APBB1IP: variants seen among roughly 807,000 people sequenced by gnomAD.
The protein encoded by APBB1IP is amyloid beta A4 precursor protein-binding family B member 1-interacting protein.
In APBB1IP, 27 loss-of-function variants were observed where a neutral mutation model predicts 64.9. The ratio of observed to expected loss-of-function variants is 0.42; its 90% CI spans 0.31 to 0.57. APBB1IP has a LOEUF of 0.57. APBB1IP is among the 20% of genes least tolerant of loss of function. APBB1IP has a pLI of 0.20. For synonymous variants in APBB1IP, 392 were observed against 331.0 expected (o/e 1.18, Z -2.00); for missense variants, 812 against 845.5 (o/e 0.96, Z 0.49).
At chr10:26,562,173 G>C (rs952613312) in intron 13 of APBB1IP, 153 bp from the exon 14 acceptor site, 1 of 612,088 alleles carries the variant, frequency 1.6e-6, no homozygotes, top group Non-Finnish European at 2.9e-6. Context: ...TGCTCTCTTT[G>C]CTTTGTTTTT....
At chr10:26,560,880 A>T in intron 13 of APBB1IP, 36 bp downstream of exon 13, 2 of 1,505,438 alleles carry the variant, frequency 1.3e-6, no homozygotes, top group Non-Finnish European at 1.8e-6. Flanking sequence ...CACATATTCA[A>T]AGCTTGGTGC....
intron 2 of APBB1IP, among the ~76,000 whole-genome samples, chr10:26,455,692 T>C (rs1239188989): frequency 1.2e-5 from 1 of 86,666 alleles, no homozygotes; most frequent in Non-Finnish European, 2.8e-5. Flanking sequence ...GGGGGATTTC[T>C]TTTTTTTTGG....
chr10:26,560,095 T>C lies in APBB1IP; in HGVS notation c.1156-10T>C. On this transcript the variant is annotated splice_polypyrimidine_tract_variant and intron_variant, in intron 11 of 14. Coordinates refer to ENST00000376236, the MANE Select transcript of APBB1IP (RefSeq NM_019043.4). ...AGTGAATACATTGTCTCGAAACTGC[T>C]TCTTTCTAGCACCCCCAAATTCAGA... 6.2e-7 allele frequency: 1 copy of C among 1,612,652 alleles called. No individual in the cohort carries two copies. Among genetic ancestry groups the C allele is most frequent in the South Asian group, 1.1e-5 (1 of 91,062 alleles).
intron 7 of APBB1IP, among the ~76,000 whole-genome samples, chr10:26,512,817 G>A (rs78821671): frequency 0.028 from 4,262 of 152,164 alleles, 219 homozygotes; most frequent in African/African-American, 0.098. Flanking sequence ...TGGGTGGGAC[G>A]GAGAATTGCC....
In APBB1IP at chr10:26,456,025, G is replaced by T. The variant is rs568303290; in HGVS notation, c.-1+17172G>T. Among the ~76,000 whole-genome samples the T allele has an allele frequency of 5.3e-5, 8 of 152,316 alleles. No homozygotes were observed. In the South Asian group the frequency reaches 1.7e-3, roughly 32 times the overall value. On this transcript the variant is annotated intron_variant, in intron 2 of 14. Transcript: ENST00000376236. Reference sequence around the variant, plus strand: ...GACCACATTAATGTATCATCCCATTGATAGGAAATGTCCAGAATAGGCAGC... The same window carrying T: ...GACCACATTAATGTATCATCCCATTTATAGGAAATGTCCAGAATAGGCAGC...
chr10:26,465,500 A>G (rs1056612561), intron 2 of APBB1IP, among the ~76,000 whole-genome samples: 5 of 152,218 alleles, frequency 3.3e-5, no homozygotes, highest in Admixed American at 6.5e-5. Context: ...ATAATTACTC[A>G]TTGTAATTAA....
intron 8 of APBB1IP, among the ~76,000 whole-genome samples, chr10:26,513,916 A>G (rs1836293047): frequency 6.6e-6 from 1 of 152,162 alleles, no homozygotes; most frequent in African/African-American, 2.4e-5. Context: ...TGTATTTTTT[A>G]GTAGAGACAG....
chr10:26,562,248 C>T, intron 13 of APBB1IP, 78 bp from the exon 14 acceptor site: 1 of 1,101,358 alleles, frequency 9.1e-7, no homozygotes, highest in Non-Finnish European at 1.4e-6. Context: ...ATGCAAACTG[C>T]TTTGTATTTT....
intron 11 of APBB1IP, among the ~76,000 whole-genome samples, chr10:26,558,285 G>A (rs115899846): frequency 2.0e-5 from 3 of 152,126 alleles, no homozygotes; most frequent in East Asian, 3.9e-4. Flanking sequence ...TTTGGTTGCC[G>A]GCCCCTCGCC....
chr10:26,489,016 C>G, intron 2 of APBB1IP, among the ~76,000 whole-genome samples: 1 of 152,166 alleles, frequency 6.6e-6, no homozygotes, highest in South Asian at 2.1e-4. Context: ...ACTAAAGACC[C>G]CTTCTTGTAC....
chr10:26,507,258 C>G (rs376275280), intron 6 of APBB1IP, among the ~76,000 whole-genome samples: 1 of 152,034 alleles, frequency 6.6e-6, no homozygotes, highest in African/African-American at 2.4e-5. Flanking sequence ...TTTGGGAGGC[C>G]GAGGCAGGAG....
At chr10:26,536,049 T>C (rs774569582) in intron 9 of APBB1IP, 25 bp from the exon 10 acceptor site, 3 of 1,567,738 alleles carry the variant, frequency 1.9e-6, no homozygotes, top group Non-Finnish European at 2.6e-6. Flanking sequence ...GTGTGTGTCT[T>C]ATGTCGTCGG....
At chr10:26,559,342 T>C (rs1030949164) in intron 11 of APBB1IP, among the ~76,000 whole-genome samples, 3 of 152,046 alleles carry the variant, frequency 2.0e-5, no homozygotes, top group African/African-American at 4.8e-5. Context: ...AGCAGGAGGA[T>C]TGCTTGAGGC....
Position 26,497,039 on chromosome 10 carries a change from A to C in APBB1IP, c.160+648A>C, listed in dbSNP as rs1775248. On this transcript the variant is annotated intron_variant, in intron 4 of 14. Coordinates refer to ENST00000376236, the MANE Select transcript of APBB1IP (RefSeq NM_019043.4). Reference sequence around the variant, plus strand: ...CCCATCTCTACAAAAAGTAAAAAATAAAAAAATTAGCCAAGCGTGGTGGCA... The same window carrying C: ...CCCATCTCTACAAAAAGTAAAAAATCAAAAAATTAGCCAAGCGTGGTGGCA... Among the ~76,000 whole-genome samples, 11 of 151,856 alleles carry C rather than the reference A, an allele frequency of 7.2e-5. No individual in the cohort carries two copies. In the South Asian group the frequency reaches 8.3e-4, roughly 11 times the overall value.
At chr10:26,547,984 C>G (rs1383506691) in intron 11 of APBB1IP, among the ~76,000 whole-genome samples, 1 of 152,110 alleles carries the variant, frequency 6.6e-6, no homozygotes, top group Non-Finnish European at 1.5e-5. Context: ...TTTCTGGACT[C>G]TCTATCTTGT....
intron 2 of APBB1IP, among the ~76,000 whole-genome samples, chr10:26,448,558 A>G (rs531415994): frequency 1.3e-5 from 2 of 152,258 alleles, no homozygotes; most frequent in Non-Finnish European, 2.9e-5. Context: ...AAAGGAGGAT[A>G]TTAGGTGAAT....
At chr10:26,459,479 T>C (rs1247244663) in intron 2 of APBB1IP, among the ~76,000 whole-genome samples, 1 of 152,140 alleles carries the variant, frequency 6.6e-6, no homozygotes, top group Non-Finnish European at 1.5e-5. Flanking sequence ...GGTCAAATGG[T>C]ATTTCTAGTT....
At chr10:26,549,002 TTGAAGTA>T (rs1164005601) in intron 11 of APBB1IP, among the ~76,000 whole-genome samples, 1 of 152,216 alleles carries the variant, frequency 6.6e-6, no homozygotes, top group Non-Finnish European at 1.5e-5. Context: ...CTTTATTACG[TTGAAGTA>T]TGTTTCTTCT....
At chr10:26,490,511 G>C (rs1462665570) in intron 2 of APBB1IP, among the ~76,000 whole-genome samples, 2 of 152,136 alleles carry the variant, frequency 1.3e-5, no homozygotes, top group Non-Finnish European at 2.9e-5. Context: ...TGTAATTCCA[G>C]CTACTCAGGA....
Sources: gnomAD v4.1 joint callset for allele counts (sites outside exome capture counted in the v4.1 genomes callset) on GRCh38, gnomAD v4.1.1 for gene constraint, MANE v1.5 for transcripts, NCBI Gene and HGNC (gene_info 2026-07-23, HGNC 2026-07-21) for gene names.